The following MALRD1 variants were observed in gnomAD, a reference collection of about 807,000 sequenced individuals.
MALRD1 encodes MAM and LDL receptor class A domain containing 1.
In MALRD1, 247 loss-of-function variants were observed where a neutral mutation model predicts 242.1. The observed-to-expected ratio is 1.02, with a 90% confidence interval of 0.92 to 1.13. The LOEUF is 1.13. Among genes scored for constraint, MALRD1 ranks in the 50% most tolerant of loss-of-function variants. The pLI is 0.00. For synonymous variants in MALRD1, 995 were observed against 866.6 expected, an observed-to-expected ratio of 1.15 and a Z score of -2.60; for missense variants, 2,989 against 2,533.1, an observed-to-expected ratio of 1.18 and a Z score of -3.86.
At position 19,692,293 on chromosome 10, in the gene MALRD1, G is replaced by C. The variant is rs1391359032; in HGVS notation, c.6149G>C (p.Gly2050Ala). 5.9e-6 allele frequency: 9 copies of C among 1,534,162 alleles called. No individual in the cohort carries two copies. Among genetic ancestry groups the C allele is most frequent in the Non-Finnish European group, 6.1e-6 (7 of 1,145,756 alleles). ...KNGPMCRCRQ[G>A]WKGNRCHIKF... ...TATCTCCTTTCCAGATGTAGACAAGGCTGGAAAGGAAATCGATGCCATATC... is the reference window on the plus strand; with the variant it reads ...TATCTCCTTTCCAGATGTAGACAAGCCTGGAAAGGAAATCGATGCCATATC... Residue 2050 changes from glycine to alanine, a missense_variant, in exon 37 of 40, where the codon GGC becomes GCC. Physicochemically the swap from Gly to Ala is moderately conservative, Grantham distance 60. Transcript: ENST00000454679.
intron 4 of MALRD1, among the ~76,000 whole-genome samples, chr10:19,095,471 G>C (rs1362868190): frequency 6.6e-6 from 1 of 152,110 alleles, no homozygotes; most frequent in Non-Finnish European, 1.5e-5. Context: ...TGGGAGTGTG[G>C]GTGGTTAGAA....
chr10:19,168,546 C>G (rs1325580497), intron 13 of MALRD1, among the ~76,000 whole-genome samples: 2 of 152,212 alleles, frequency 1.3e-5, no homozygotes, highest in African/African-American at 4.8e-5. Flanking sequence ...ATCAACATTA[C>G]TGAAGAGTTT....
chr10:19,613,833 T>A (rs1839011562), intron 35 of MALRD1, among the ~76,000 whole-genome samples: 1 of 152,054 alleles, frequency 6.6e-6, no homozygotes, highest in African/African-American at 2.4e-5. Context: ...TGCAACACCC[T>A]CTTCTCTGGC....
At chr10:19,166,322 G>A (rs981333651) in intron 13 of MALRD1, among the ~76,000 whole-genome samples, 5 of 152,164 alleles carry the variant, frequency 3.3e-5, no homozygotes, top group Admixed American at 1.3e-4. Flanking sequence ...AAATAAGCCA[G>A]GCACAGAGAG....
intron 14 of MALRD1, among the ~76,000 whole-genome samples, chr10:19,179,141 A>G (rs535779814): frequency 7.2e-5 from 11 of 152,370 alleles, no homozygotes; most frequent in African/African-American, 2.6e-4. Context: ...TAAGTAACAC[A>G]TGACATCACT....
chr10:19,657,529 GA>G (rs774988446), intron 36 of MALRD1, among the ~76,000 whole-genome samples: 5 of 148,950 alleles, frequency 3.4e-5, no homozygotes, highest in Non-Finnish European at 7.4e-5. Context: ...ACAGAATTGA[GA>G]TTTTTTTTCT....
At chr10:19,412,194 G>T (rs977197316) in intron 28 of MALRD1, among the ~76,000 whole-genome samples, 1 of 152,208 alleles carries the variant, frequency 6.6e-6, no homozygotes, top group African/African-American at 2.4e-5. Context: ...GGGAGGCTGA[G>T]GTGGGAGAAT....
chr10:19,209,311 G>C lies in MALRD1; in HGVS notation c.2622G>C (p.Trp874Cys). The change falls in exon 18 of 40, where the codon TGG becomes TGC. Residue 874 changes from tryptophan (W) to cysteine (C), a missense_variant. Coordinates refer to ENST00000454679, the MANE Select transcript of MALRD1 (RefSeq NM_001142308.3). ...QCNFETGICNWEQDAKDDFDW... is the reference protein window; with the variant it reads ...QCNFETGICNCEQDAKDDFDW... Reference sequence around the variant, plus strand: ...ACTTTGAAACTGGAATCTGTAACTGGGAACAAGATGCAAAAGATGACTTTG... The same window carrying C: ...ACTTTGAAACTGGAATCTGTAACTGCGAACAAGATGCAAAAGATGACTTTG... 5 of 1,548,174 alleles carry C rather than the reference G, an allele frequency of 3.2e-6. No homozygotes were observed. Among genetic ancestry groups the C allele is most frequent in the Non-Finnish European group, 4.4e-6 (5 of 1,146,162 alleles).
chr10:19,627,161 TG>T lies in MALRD1; in HGVS notation c.6137+11239del, dbSNP rs1435266127. 2.0e-5 allele frequency among the ~76,000 whole-genome samples: 3 copies of T among 152,268 alleles called. No individual in the cohort carries two copies. In the East Asian group the frequency reaches 5.8e-4, roughly 29 times the overall value. On this transcript the variant is annotated intron_variant, in intron 36 of 39. Transcript: ENST00000454679. ...TAATTGGTTAGCCATTAATTTAAAA[TG>T]TAAATTATTATTGACATAACACACA...
intron 38 of MALRD1, chr10:19,710,899 T>C (rs1439507278): frequency 6.6e-6 from 1 of 152,178 alleles, no homozygotes; most frequent in Non-Finnish European, 1.5e-5. Flanking sequence ...TAGATGAATG[T>C]GTTGTAGGCA....
At position 19,137,620 on chromosome 10, in the gene MALRD1, A is replaced by AC. The variant is rs563414428; in HGVS notation, c.1411+839_1411+840insC. Reference sequence around the variant, plus strand: ...GAGACTCCGTCTGAAAAAAAAAAAAAAAAAAAAAAAAGAAATCACTTCAGC... The same window carrying AC: ...GAGACTCCGTCTGAAAAAAAAAAAAACAAAAAAAAAAAGAAATCACTTCAGC... On this transcript the variant is annotated intron_variant, in intron 10 of 39. Coordinates refer to ENST00000454679, the MANE Select transcript of MALRD1 (RefSeq NM_001142308.3). Among the ~76,000 whole-genome samples, 23 of 150,512 alleles carry AC rather than the reference A, an allele frequency of 1.5e-4. No homozygotes were observed. In the South Asian group the frequency reaches 3.6e-3, roughly 24 times the overall value.
intron 36 of MALRD1, among the ~76,000 whole-genome samples, chr10:19,682,362 A>C (rs954176102): frequency 6.6e-6 from 1 of 152,208 alleles, no homozygotes. Flanking sequence ...TTATTTCAAA[A>C]ACTCCTTCGT....
intron 26 of MALRD1, among the ~76,000 whole-genome samples, chr10:19,374,797 G>A (rs1023763365): frequency 1.3e-5 from 2 of 152,122 alleles, no homozygotes; most frequent in African/African-American, 4.8e-5. Flanking sequence ...TTTAAGAAAA[G>A]TATCTGGAGA....
chr10:19,404,955 T>C (rs753904756), intron 28 of MALRD1, among the ~76,000 whole-genome samples: 1 of 152,186 alleles, frequency 6.6e-6, no homozygotes, highest in African/African-American at 2.4e-5. Flanking sequence ...TTGTAACTTC[T>C]TATAAATGCA....
At chr10:19,543,175 C>T (rs540112521) in intron 32 of MALRD1, among the ~76,000 whole-genome samples, 25 of 152,316 alleles carry the variant, frequency 1.6e-4, no homozygotes, top group Non-Finnish European at 3.1e-4. Flanking sequence ...GCCTTGCCTT[C>T]CCAGGCTCAA....
chr10:19,324,242 A>G, intron 22 of MALRD1, 137 bp downstream of exon 22: 1 of 829,974 alleles, frequency 1.2e-6, no homozygotes. Context: ...ATAGTGGTAT[A>G]TGGAGTAAAA....
At chr10:19,585,813 CAG>C (rs1235981698) in intron 33 of MALRD1, among the ~76,000 whole-genome samples, 3 of 152,170 alleles carry the variant, frequency 2.0e-5, no homozygotes, top group Non-Finnish European at 4.4e-5. Flanking sequence ...TAATATCCTG[CAG>C]AGTGTTTTCC....
chr10:19,428,165 A>T (rs1340564837), intron 28 of MALRD1, among the ~76,000 whole-genome samples: 1 of 151,696 alleles, frequency 6.6e-6, no homozygotes, highest in Non-Finnish European at 1.5e-5. Flanking sequence ...TTGGGAGGTG[A>T]GGCGTTGGCA....
intron 14 of MALRD1, among the ~76,000 whole-genome samples, chr10:19,189,181 A>G (rs10827035): frequency 0.43 from 65,396 of 151,810 alleles, 14,499 homozygotes; most frequent in Admixed American, 0.5. Flanking sequence ...CCATATACAA[A>G]TACATGCCAC....
Sources: allele counts gnomAD v4.1 joint callset (sites outside exome capture counted in the v4.1 genomes callset), GRCh38; gene constraint gnomAD v4.1.1; transcripts MANE v1.5; gene names NCBI Gene and HGNC (gene_info 2026-07-23, HGNC 2026-07-21).